TARS2: variants seen among roughly 807,000 people sequenced by gnomAD.
The protein encoded by TARS2 is threonyl-tRNA synthetase 2, mitochondrial, also known as threonine--tRNA ligase, mitochondrial.
Under a neutral mutation model 94.4 loss-of-function variants are expected in TARS2, and 61 were observed. The ratio of observed to expected loss-of-function variants is 0.65; its 90% confidence interval spans 0.53 to 0.80. The LOEUF is 0.80. Ranked by LOEUF, TARS2 falls within the 30% of genes least tolerant of loss-of-function variation. The probability of loss-of-function intolerance (pLI) is 0.00; values close to 1 mark genes in which losing one functional copy is unlikely to be tolerated. For synonymous variants in TARS2, 359 were observed against 353.4 expected, an observed-to-expected ratio of 1.02 and a Z score of -0.18; for missense variants, 704 against 902.5, an observed-to-expected ratio of 0.78 and a Z score of 2.82.
intron 11 of TARS2, 108 bp from the exon 12 acceptor site, chr1:150,498,789 G>C: frequency 1.2e-6 from 2 of 1,607,234 alleles, no homozygotes; most frequent in Non-Finnish European, 1.7e-6. Flanking sequence ...TCTACCCCCA[G>C]CTTGCTTCCG....
intron 16 of TARS2, 71 bp from the exon 17 acceptor site, chr1:150,505,520 A>G: frequency 7.4e-7 from 1 of 1,345,926 alleles, no homozygotes; most frequent in Non-Finnish European, 1.1e-6. Flanking sequence ...TTGAGGGAAA[A>G]GAGCATCAGA....
chr1:150,496,671 G>A (rs1669676687), intron 8 of TARS2, 43 bp downstream of exon 8: 1 of 1,602,704 alleles, frequency 6.2e-7, no homozygotes, highest in Non-Finnish European at 8.5e-7. Flanking sequence ...GATAAGGGTT[G>A]GAGAGAGATG....
At chr1:150,505,731 T>C (rs762319622) in intron 17 of TARS2, 26 bp downstream of exon 17, 2 of 1,595,114 alleles carry the variant, frequency 1.3e-6, no homozygotes, top group East Asian at 4.5e-5. Context: ...GAGCCAATGT[T>C]CTCCCACCTG....
chr1:150,500,608 T>C (rs9436120), intron 13 of TARS2, among the ~76,000 whole-genome samples: 91,870 of 150,154 alleles, frequency 0.61, 28,442 homozygotes, highest in African/African-American at 0.68. Flanking sequence ...TAAAACAGGC[T>C]GGGGGCGGTG....
chr1:150,489,055 T>C lies in TARS2; in HGVS notation c.355T>C (p.Phe119Leu). 6.2e-6 allele frequency: 10 copies of C among 1,614,218 alleles called. No individual in the cohort carries two copies. The highest frequency in any genetic ancestry group is 8.5e-6 in the Non-Finnish European group (10 of 1,180,038). The change falls in exon 3 of 18, where the codon TTT becomes CTT. Residue 119 changes from phenylalanine to leucine, a missense_variant. By Grantham distance (22) the Phe-to-Leu change is conservative. Coordinates refer to ENST00000369064, the MANE Select transcript of TARS2 (RefSeq NM_025150.5). ...CTTGGAGACAGATTCTGACCTCAGA[T>C]TTCTGACATTCGATTCCCCAGAGGG... ...RPLETDSDLR[F>L]LTFDSPEGKA...
intron 7 of TARS2, among the ~76,000 whole-genome samples, chr1:150,492,741 C>T (rs587772810): frequency 2.6e-4 from 36 of 138,632 alleles, no homozygotes; most frequent in African/African-American, 9.6e-4. Context: ...ACCTGGGAGG[C>T]GGAGGTTGTA....
At chr1:150,493,685 G>A (rs1195480784) in intron 7 of TARS2, among the ~76,000 whole-genome samples, 1 of 151,896 alleles carries the variant, frequency 6.6e-6, no homozygotes, top group Non-Finnish European at 1.5e-5. Flanking sequence ...CCTGGGAGGT[G>A]GAGGTTGTGG....
intron 13 of TARS2, among the ~76,000 whole-genome samples, chr1:150,501,265 A>G (rs1487180615): frequency 6.7e-6 from 1 of 149,362 alleles, no homozygotes; most frequent in African/African-American, 2.5e-5. Flanking sequence ...ACATAGTAAC[A>G]GGGCATCATA....
intron 13 of TARS2, among the ~76,000 whole-genome samples, chr1:150,502,194 G>A (rs1458418328): frequency 6.6e-6 from 1 of 151,458 alleles, no homozygotes; most frequent in East Asian, 2.0e-4. Flanking sequence ...ATTATTACAG[G>A]CATGAGCCAT....
intron 4 of TARS2, 91 bp from the exon 5 acceptor site, chr1:150,491,303 G>T: frequency 1.6e-6 from 2 of 1,256,424 alleles, no homozygotes; most frequent in South Asian, 1.2e-5. Flanking sequence ...TCTCTTGAAG[G>T]ACAGGACCTT....
intron 6 of TARS2, 164 bp downstream of exon 6, chr1:150,491,826 G>T: frequency 1.4e-6 from 1 of 710,686 alleles, no homozygotes; most frequent in Non-Finnish European, 2.3e-6. Flanking sequence ...ACGGAGTCTT[G>T]GTCTGTCTCC....
In TARS2 at chr1:150,497,640, C is replaced by T. The variant is rs756982839; in HGVS notation, c.1131C>T (p.Ala377=). The change falls in exon 10 of 18, where the codon GCC becomes GCT. Residue 377 remains alanine, a synonymous_variant. Coordinates refer to ENST00000369064, the MANE Select transcript of TARS2 (RefSeq NM_025150.5). ...HWEHYQEDMF[A]VQPPGSDRPP... Reference sequence around the variant, plus strand: ...AGCATTATCAGGAAGACATGTTTGCCGTGCAGCCCCCAGGCTCTGACAGGC... The same window carrying T: ...AGCATTATCAGGAAGACATGTTTGCTGTGCAGCCCCCAGGCTCTGACAGGC... 4.4e-5 allele frequency: 71 copies of T among 1,614,024 alleles called. No individual in the cohort carries two copies. Among genetic ancestry groups the T allele is most frequent in the East Asian group, 1.1e-4 (5 of 44,898 alleles).
chr1:150,494,370 C>CA lies in TARS2; in HGVS notation c.774+1902dup, dbSNP rs377287320. Among the ~76,000 whole-genome samples the CA allele has an allele frequency of 5.1e-3, 470 of 91,646 alleles. 5 individuals carry two copies. Among genetic ancestry groups the CA allele is most frequent in the South Asian group, 0.016 (30 of 1,830 alleles). 60.1% of individuals were successfully genotyped at this position (91,646 alleles called of 152,430 possible). A position where few individuals can be genotyped will look rare whatever the true frequency, so the allele number is the denominator to read the frequency against. ...TGGGCCACGGAGCGAGACAACATCT[C>CA]AAAAAAAAAAAAAAAAAAAAAGATA... On this transcript the variant is annotated intron_variant, in intron 7 of 17. Coordinates refer to ENST00000369064, the MANE Select transcript of TARS2 (RefSeq NM_025150.5).
At chr1:150,500,258 C>A (rs776360564) in intron 13 of TARS2, among the ~76,000 whole-genome samples, 37 of 152,102 alleles carry the variant, frequency 2.4e-4, no homozygotes, top group Non-Finnish European at 4.0e-4. Context: ...TTCAAAGGAC[C>A]ATTTTCAGTA....
At chr1:150,488,827 G>T in intron 2 of TARS2, 137 bp from the exon 3 acceptor site, 1 of 1,308,250 alleles carries the variant, frequency 7.6e-7, no homozygotes, top group South Asian at 1.5e-5. Flanking sequence ...TCCAGCCTCT[G>T]GTAACTATCA....
intron 16 of TARS2, 99 bp downstream of exon 16, chr1:150,505,077 G>A (rs1570871722): frequency 8.2e-7 from 1 of 1,217,508 alleles, no homozygotes. Context: ...GTAGAGGAAG[G>A]AGCACAGCCC....
intron 9 of TARS2, 100 bp downstream of exon 9, chr1:150,497,008 C>A: frequency 9.4e-7 from 1 of 1,060,242 alleles, no homozygotes; most frequent in Non-Finnish European, 1.4e-6. Flanking sequence ...TGGGGCCGGG[C>A]ACAGTGGCTC....
intron 13 of TARS2, among the ~76,000 whole-genome samples, chr1:150,503,049 TG>T (rs1669994875): frequency 6.6e-6 from 1 of 152,286 alleles, no homozygotes; most frequent in East Asian, 1.9e-4. Context: ...AGCAAAAAAC[TG>T]GAACATCCCT....
chr1:150,503,708 TACACACACAC>T (rs199826529), intron 13 of TARS2, among the ~76,000 whole-genome samples: 2 of 146,312 alleles, frequency 1.4e-5, no homozygotes, highest in Non-Finnish European at 3.0e-5. Context: ...TGTGTATATA[TACACACACAC>T]ACACACACAT....
Sources: gnomAD v4.1 joint callset for allele counts (sites outside exome capture counted in the v4.1 genomes callset) on GRCh38, gnomAD v4.1.1 for gene constraint, MANE v1.5 for transcripts, NCBI Gene and HGNC (gene_info 2026-07-23, HGNC 2026-07-21) for gene names.